The following PLPPR5 variants were observed in gnomAD, a reference collection of about 807,000 sequenced individuals.
The protein encoded by PLPPR5 is phospholipid phosphatase related 5, also known as phospholipid phosphatase-related protein type 5.
PLPPR5 carries 16 observed loss-of-function variants against 33.9 expected under a neutral mutation model. The ratio of observed to expected loss-of-function variants is 0.47; its 90% CI spans 0.32 to 0.72. The LOEUF (loss-of-function observed/expected upper bound fraction) is 0.72, where lower values mean the gene tolerates loss of function less well. Among genes scored for constraint, PLPPR5 ranks in the 30% least tolerant of loss-of-function variants. The pLI is 0.03. For synonymous variants in PLPPR5, 163 were observed against 150.3 expected, an observed-to-expected ratio of 1.08 and a Z score of -0.62; for missense variants, 301 against 406.7, an observed-to-expected ratio of 0.74 and a Z score of 2.23.
At chr1:98,906,605 A>G (rs1050246862) in intron 5 of PLPPR5, among the ~76,000 whole-genome samples, 1 of 152,196 alleles carries the variant, frequency 6.6e-6, no homozygotes, top group Non-Finnish European at 1.5e-5. Context: ...GACCAAGTCC[A>G]AAGTAACTGG....
At chr1:98,921,008 A>G (rs1271247093) in intron 4 of PLPPR5, among the ~76,000 whole-genome samples, 1 of 152,164 alleles carries the variant, frequency 6.6e-6, no homozygotes, top group Non-Finnish European at 1.5e-5. Flanking sequence ...CTTATACTAT[A>G]CTTTAAGAGT....
chr1:98,993,988 T>G (rs920048848), intron 1 of PLPPR5, among the ~76,000 whole-genome samples: 12 of 152,118 alleles, frequency 7.9e-5, no homozygotes, highest in African/African-American at 2.9e-4. Context: ...GGTACATTTG[T>G]ACATAACTGC....
intron 5 of PLPPR5, among the ~76,000 whole-genome samples, chr1:98,902,486 T>G (rs1004182963): frequency 6.6e-6 from 1 of 152,152 alleles, no homozygotes; most frequent in Admixed American, 6.5e-5. Flanking sequence ...TCTTCTTTAA[T>G]CAAAACTATG....
intron 1 of PLPPR5, among the ~76,000 whole-genome samples, chr1:99,001,838 G>A (rs1294536947): frequency 6.6e-6 from 1 of 151,374 alleles, no homozygotes; most frequent in Non-Finnish European, 1.5e-5. Flanking sequence ...GACAGAGTAG[G>A]GGGAGAATTC....
intron 1 of PLPPR5, among the ~76,000 whole-genome samples, chr1:98,996,544 C>T (rs1048957801): frequency 2.6e-4 from 40 of 152,072 alleles, no homozygotes; most frequent in African/African-American, 9.4e-4. Flanking sequence ...GAATATAGAA[C>T]TCCACTTCAC....
chr1:98,916,326 G>C (rs1464004456), intron 4 of PLPPR5, among the ~76,000 whole-genome samples: 2 of 152,140 alleles, frequency 1.3e-5, no homozygotes, highest in African/African-American at 4.8e-5. Flanking sequence ...CCTCAACTTT[G>C]TAGTTGCCAC....
intron 4 of PLPPR5, among the ~76,000 whole-genome samples, chr1:98,918,574 C>G (rs907239975): frequency 7.2e-5 from 11 of 152,062 alleles, no homozygotes; most frequent in African/African-American, 2.4e-4. Flanking sequence ...ATTAACACAG[C>G]ACATAATTCC....
chr1:98,966,551 G>A (rs1405408703), intron 1 of PLPPR5, among the ~76,000 whole-genome samples: 3 of 152,154 alleles, frequency 2.0e-5, no homozygotes, highest in African/African-American at 7.2e-5. Flanking sequence ...GTTACTAGCC[G>A]TGGTTATAAT....
chr1:98,972,814 C>T (rs1441777762), intron 1 of PLPPR5, among the ~76,000 whole-genome samples: 1 of 152,050 alleles, frequency 6.6e-6, no homozygotes, highest in Non-Finnish European at 1.5e-5. Context: ...TAGTGTAGGC[C>T]TGGGCATGGC....
chr1:98,918,666 C>T (rs1649444251), intron 4 of PLPPR5, among the ~76,000 whole-genome samples: 1 of 152,092 alleles, frequency 6.6e-6, no homozygotes, highest in Admixed American at 6.6e-5. Flanking sequence ...AGGGAAACTT[C>T]CTGGGGAAAT....
intron 1 of PLPPR5, among the ~76,000 whole-genome samples, chr1:98,984,159 A>T: frequency 6.6e-6 from 1 of 152,006 alleles, no homozygotes; most frequent in East Asian, 1.9e-4. Context: ...CAGCCTGGCA[A>T]CAGAAAATAA....
intron 3 of PLPPR5, among the ~76,000 whole-genome samples, chr1:98,930,264 A>G (rs1277473915): frequency 3.9e-5 from 6 of 152,220 alleles, no homozygotes; most frequent in African/African-American, 1.4e-4. Context: ...CAATAAAAGC[A>G]TATTTCAAGT....
In PLPPR5 at chr1:99,001,671, G is replaced by GATAGATAGATATATAT. The variant is rs1247519605; in HGVS notation, c.237+2763_237+2764insATATATATCTATCTAT. On this transcript the variant is annotated intron_variant, in intron 1 of 5. Transcript: ENST00000263177. ...ACTAGAAATGAGTTTGAAAGTTAAA[G>GATAGATAGATATATAT]ATATATATATATATATATATATATA... Among the ~76,000 whole-genome samples the GATAGATAGATATATAT allele has an allele frequency of 5.9e-5, 6 of 102,190 alleles. No individual in the cohort carries two copies. In the East Asian group the frequency reaches 1.5e-3, roughly 25 times the overall value. The allele number at this position is 102,190 out of a possible 152,430, so 67.0% of individuals were successfully genotyped here. A position where few individuals can be genotyped will look rare whatever the true frequency, so the allele number is the denominator to read the frequency against.
At chr1:98,930,404 TTGTA>T (rs1649921613) in intron 3 of PLPPR5, among the ~76,000 whole-genome samples, 1 of 152,184 alleles carries the variant, frequency 6.6e-6, no homozygotes, top group Non-Finnish European at 1.5e-5. Flanking sequence ...TGTCTGATCT[TTGTA>T]TGATCTACTA....
intron 5 of PLPPR5, among the ~76,000 whole-genome samples, chr1:98,911,306 T>C (rs1649137464): frequency 6.6e-6 from 1 of 152,208 alleles, no homozygotes; most frequent in African/African-American, 2.4e-5. Context: ...AAACCATTTT[T>C]ATTTCCTAGC....
chr1:98,916,725 A>G (rs1649366936), intron 4 of PLPPR5, among the ~76,000 whole-genome samples: 2 of 152,228 alleles, frequency 1.3e-5, no homozygotes, highest in South Asian at 2.1e-4. Context: ...AATTTTGGCC[A>G]ACAATAACAA....
At chr1:98,964,850 GT>G (rs988951508) in intron 1 of PLPPR5, among the ~76,000 whole-genome samples, 1 of 152,090 alleles carries the variant, frequency 6.6e-6, no homozygotes, top group Admixed American at 6.6e-5. Flanking sequence ...GTTGCCCAGG[GT>G]GGAGTGCCAT....
At chr1:98,993,873 G>C (rs866741662) in intron 1 of PLPPR5, among the ~76,000 whole-genome samples, 9 of 152,154 alleles carry the variant, frequency 5.9e-5, no homozygotes, top group Middle Eastern at 3.4e-3. Flanking sequence ...CACTGCACTA[G>C]AACACAATTT....
rs115445369 is a variant in PLPPR5 at position 98,903,491 on chromosome 1, A to T, written c.934-10387T>A. Reference sequence around the variant, plus strand: ...ATTTGTCTTGGCAAGAAACCACAGGATTGTTTTGCTATTGCTATGACACTA... The same window carrying T: ...ATTTGTCTTGGCAAGAAACCACAGGTTTGTTTTGCTATTGCTATGACACTA... On this transcript the variant is annotated intron_variant, in intron 5 of 5. Coordinates refer to ENST00000263177, the MANE Select transcript of PLPPR5 (RefSeq NM_001037317.2). Among the ~76,000 whole-genome samples, 805 of 152,274 alleles carry T rather than the reference A, an allele frequency of 5.3e-3. 8 individuals are homozygous for T. Among genetic ancestry groups the T allele is most frequent in the African/African-American group, 0.019 (782 of 41,558 alleles).
Sources: gnomAD v4.1 joint callset for allele counts (sites outside exome capture counted in the v4.1 genomes callset) on GRCh38, gnomAD v4.1.1 for gene constraint, MANE v1.5 for transcripts, NCBI Gene and HGNC (gene_info 2026-07-23, HGNC 2026-07-21) for gene names.